Variants in ARID2 observed in about 807,000 individuals in gnomAD.
ARID2 encodes AT-rich interactive domain-containing protein 2.
Under a neutral mutation model 184.6 loss-of-function variants are expected in ARID2, and 32 were observed. The observed-to-expected ratio is 0.17, with a 90% CI of 0.13 to 0.23. The LOEUF is 0.23. Ranked by LOEUF, ARID2 falls within the 10% of genes least tolerant of loss-of-function variation. The pLI is 1.00. For synonymous variants in ARID2, 836 were observed against 772.6 expected (o/e 1.08, Z -1.36); for missense variants, 1,696 against 2,197.6 (o/e 0.77, Z 4.56).
intron 3 of ARID2, among the ~76,000 whole-genome samples, chr12:45,750,193 A>G (rs1351976536): frequency 6.6e-6 from 1 of 152,082 alleles, no homozygotes; most frequent in Admixed American, 6.5e-5. Flanking sequence ...GCCTAATTTC[A>G]ATATAGTTGT....
Position 45,907,614 on chromosome 12 carries a change from A to G in ARID2, c.*2536A>G, listed in dbSNP as rs1343982453. ...TAATATGGACTTGCTGTGTAATGGAATTAAAGTGCTTTTGCACAATAAGTT... is the reference window on the plus strand; with the variant it reads ...TAATATGGACTTGCTGTGTAATGGAGTTAAAGTGCTTTTGCACAATAAGTT... On this transcript the variant is annotated 3_prime_UTR_variant, in exon 21 of 21. Transcript: ENST00000334344. 1 of 233,088 alleles carries G rather than the reference A, an allele frequency of 4.3e-6. No individual in the cohort carries two copies. Among genetic ancestry groups the G allele is most frequent in the Non-Finnish European group, 8.5e-6 (1 of 117,812 alleles). 14.4% of individuals were successfully genotyped at this position (233,088 alleles called of 1,614,324 possible). A position where few individuals can be genotyped will look rare whatever the true frequency, so the allele number is the denominator to read the frequency against.
Position 45,837,359 on chromosome 12 carries a change from G to A in ARID2, c.1062G>A (p.Leu354=), listed in dbSNP as rs943710368. The change falls in exon 9 of 21, where the codon CTG becomes CTA. Residue 354 remains leucine (L), a synonymous_variant. Transcript: ENST00000334344. Reference sequence around the variant, plus strand: ...CTGTTGATTTCAAAACTACTCATCTGATGTTTCATACTGTTACAAAATGTC... The same window carrying A: ...CTGTTGATTTCAAAACTACTCATCTAATGTTTCATACTGTTACAAAATGTC... ...LDPVDFKTTH[L]MFHTVTKCLM... 6.2e-7 allele frequency: 1 copy of A among 1,611,614 alleles called. No individual in the cohort carries two copies. The highest frequency in any genetic ancestry group is 1.3e-5 in the African/African-American group (1 of 74,914).
At chr12:45,874,914 A>G (rs1943985720) in intron 16 of ARID2, among the ~76,000 whole-genome samples, 1 of 152,220 alleles carries the variant, frequency 6.6e-6, no homozygotes, top group Non-Finnish European at 1.5e-5. Flanking sequence ...GCTTGAACCT[A>G]GGAGTTCAAG....
rs896179598 is a variant in ARID2, at chr12:45,791,645, G to A, written c.285-19773G>A. 8.5e-5 allele frequency among the ~76,000 whole-genome samples: 13 copies of A among 152,264 alleles called. No homozygotes were observed. The South Asian group carries it at 2.7e-3, about 32-fold the overall frequency. ...GTCTCATTCTGTCATCTAGGCTGGA[G>A]TGTAGTGGCCCAATCACGGCTCACT... On this transcript the variant is annotated intron_variant, in intron 3 of 20. Coordinates refer to ENST00000334344, the MANE Select transcript of ARID2 (RefSeq NM_152641.4).
intron 16 of ARID2, among the ~76,000 whole-genome samples, chr12:45,884,730 A>G (rs1944160193): frequency 6.6e-6 from 1 of 152,146 alleles, no homozygotes; most frequent in South Asian, 2.1e-4. Flanking sequence ...CATCCCCCAT[A>G]TGAACCCCTT....
intron 4 of ARID2, among the ~76,000 whole-genome samples, chr12:45,815,898 T>A (rs142109875): frequency 4.9e-4 from 75 of 152,326 alleles, no homozygotes; most frequent in African/African-American, 1.7e-3. Context: ...TGGCCTCATG[T>A]GATCTTCCTT....
In ARID2 at chr12:45,847,639, T is replaced by C. The variant is rs1449795180; in HGVS notation, c.1580+702T>C. Among the ~76,000 whole-genome samples the C allele has an allele frequency of 2.6e-5, 4 of 152,094 alleles. No individual in the cohort carries two copies. In the East Asian group the frequency reaches 7.7e-4, roughly 29 times the overall value. Reference sequence around the variant, plus strand: ...ATCACTTTCCAATGATATATCACTTTAAAAATTTCTTGATCACTTTTCTGC... The same window carrying C: ...ATCACTTTCCAATGATATATCACTTCAAAAATTTCTTGATCACTTTTCTGC... On this transcript the variant is annotated intron_variant, in intron 12 of 20. Coordinates refer to ENST00000334344, the MANE Select transcript of ARID2 (RefSeq NM_152641.4).
intron 3 of ARID2, among the ~76,000 whole-genome samples, chr12:45,758,340 T>C (rs1482971246): frequency 2.0e-5 from 3 of 152,274 alleles, no homozygotes; most frequent in South Asian, 4.1e-4. Flanking sequence ...TTTGTAAACT[T>C]TCTTAAAACA....
intron 3 of ARID2, 105 bp downstream of exon 3, chr12:45,731,419 A>C: frequency 1.3e-6 from 1 of 752,722 alleles, no homozygotes; most frequent in East Asian, 2.5e-5. Flanking sequence ...ACAGTTCTTA[A>C]GCTCTTGTTC....
chr12:45,747,799 C>T (rs777366747), intron 3 of ARID2, among the ~76,000 whole-genome samples: 1 of 152,028 alleles, frequency 6.6e-6, no homozygotes, highest in Non-Finnish European at 1.5e-5. Context: ...CTATGCAGTA[C>T]TTGAAGTTGT....
rs1941313049 is a variant in ARID2 at position 45,743,997 on chromosome 12, GAT to G, written c.284+12684_284+12685del. Among the ~76,000 whole-genome samples the G allele has an allele frequency of 2.0e-5, 3 of 151,406 alleles. No homozygotes were observed. In the South Asian group the frequency reaches 6.3e-4, roughly 32 times the overall value. On this transcript the variant is annotated intron_variant, in intron 3 of 20. Transcript: ENST00000334344. Reference sequence around the variant, plus strand: ...GTTTTATAGTTTTGATTTTATGATTGATTTTTTTTTCTTTTTTTTAGAATTTT... The same window carrying G: ...GTTTTATAGTTTTGATTTTATGATTGTTTTTTTTCTTTTTTTTAGAATTTT...
rs546175005 is a variant in ARID2 at position 45,899,581 on chromosome 12, G to A, written c.5364-5353G>A. ...AGATCCCACCACTGCACTCCAGCCT[G>A]GGCGACAGAGCGAGATTCCATCTCA... On this transcript the variant is annotated intron_variant, in intron 20 of 20. Coordinates refer to ENST00000334344, the MANE Select transcript of ARID2 (RefSeq NM_152641.4). 3.4e-5 allele frequency among the ~76,000 whole-genome samples: 5 copies of A among 149,128 alleles called. 1 individual carries two copies. The highest frequency in any genetic ancestry group is 1.2e-4 in the African/African-American group (5 of 40,970).
intron 3 of ARID2, among the ~76,000 whole-genome samples, chr12:45,734,149 A>G (rs1364050452): frequency 6.6e-6 from 1 of 152,162 alleles, no homozygotes; most frequent in African/African-American, 2.4e-5. Flanking sequence ...CAGACGGATT[A>G]CCTGAGGTCA....
chr12:45,756,643 C>T (rs1941577284), intron 3 of ARID2, among the ~76,000 whole-genome samples: 1 of 152,234 alleles, frequency 6.6e-6, no homozygotes, highest in African/African-American at 2.4e-5. Context: ...CTACCTGTAA[C>T]ATTCAAGGCA....
intron 5 of ARID2, among the ~76,000 whole-genome samples, chr12:45,818,157 T>C (rs2138094519): frequency 6.6e-6 from 1 of 152,282 alleles, no homozygotes; most frequent in African/African-American, 2.4e-5. Flanking sequence ...GATTGCTTGC[T>C]ACAAGATTTT....
chr12:45,744,798 C>T (rs754179463), intron 3 of ARID2, among the ~76,000 whole-genome samples: 31 of 152,184 alleles, frequency 2.0e-4, no homozygotes, highest in Non-Finnish European at 3.2e-4. Context: ...TGTTTGTTTG[C>T]GTGAATCCAT....
chr12:45,849,694 G>T lies in ARID2; in HGVS notation c.1830G>T (p.Met610Ile). The part of the protein sequence containing the change: ...KRRAIPLPIQ[M>I]YYQQQPVSTS... ...GGGCTATACCACTTCCCATTCAGAT[G>T]TACTATCAGCAGCAACCAGTTTCTA... Residue 610 changes from methionine (M) to isoleucine (I), a missense_variant, in exon 14 of 21, where the codon ATG becomes ATT. Coordinates refer to ENST00000334344, the MANE Select transcript of ARID2 (RefSeq NM_152641.4). 7.4e-6 allele frequency: 12 copies of T among 1,613,912 alleles called. No individual in the cohort carries two copies. The highest frequency in any genetic ancestry group is 1.0e-5 in the Non-Finnish European group (12 of 1,179,840).
At chr12:45,797,955 G>A (rs937746504) in intron 3 of ARID2, among the ~76,000 whole-genome samples, 3 of 151,918 alleles carry the variant, frequency 2.0e-5, no homozygotes, top group Non-Finnish European at 2.9e-5. Flanking sequence ...TAAAGGATGG[G>A]AAAGTCTCTA....
intron 4 of ARID2, among the ~76,000 whole-genome samples, chr12:45,812,347 A>G (rs1393920551): frequency 6.6e-6 from 1 of 152,116 alleles, no homozygotes; most frequent in South Asian, 2.1e-4. Context: ...ATACTGTCTC[A>G]TTTGTGGACT....
Sources: gnomAD v4.1 joint callset for allele counts (sites outside exome capture counted in the v4.1 genomes callset) on GRCh38, gnomAD v4.1.1 for gene constraint, MANE v1.5 for transcripts, NCBI Gene and HGNC (gene_info 2026-07-23, HGNC 2026-07-21) for gene names.